The following STK32B variants were observed in gnomAD, a reference collection of about 807,000 sequenced individuals.
The protein encoded by STK32B is serine/threonine kinase 32B, also known as serine/threonine-protein kinase 32B.
Under a neutral mutation model 52.6 loss-of-function variants are expected in STK32B, and 43 were observed. The observed-to-expected ratio is 0.82, with a 90% CI of 0.64 to 1.05. The LOEUF (loss-of-function observed/expected upper bound fraction) is 1.05, where lower values mean the gene tolerates loss of function less well. Ranked by LOEUF, STK32B falls within the 50% of genes least tolerant of loss-of-function variation. The pLI, the probability that STK32B is intolerant of heterozygous loss-of-function variation, is 0.00. For synonymous variants in STK32B, 238 were observed against 204.3 expected (o/e 1.17, Z -1.41); for missense variants, 621 against 534.6 (o/e 1.16, Z -1.59).
At chr4:5,426,700 A>G (rs1023728643) in intron 6 of STK32B, among the ~76,000 whole-genome samples, 1 of 148,850 alleles carries the variant, frequency 6.7e-6, no homozygotes, top group African/African-American at 2.5e-5. Flanking sequence ...AACAAAAAAA[A>G]AAAAAAAAAA....
At chr4:5,153,555 G>T (rs773359745) in intron 2 of STK32B, among the ~76,000 whole-genome samples, 2 of 150,220 alleles carry the variant, frequency 1.3e-5, no homozygotes, top group African/African-American at 2.4e-5. Flanking sequence ...GAACTCTCTC[G>T]ACCTGATAAA....
chr4:5,420,853 G>A (rs1005683643), intron 6 of STK32B, among the ~76,000 whole-genome samples: 13 of 152,058 alleles, frequency 8.5e-5, no homozygotes, highest in African/African-American at 3.1e-4. Flanking sequence ...GTCAAGGAGT[G>A]TAGATCCTGG....
chr4:5,454,344 A>G (rs1716303561), intron 7 of STK32B, among the ~76,000 whole-genome samples: 1 of 152,150 alleles, frequency 6.6e-6, no homozygotes, highest in Non-Finnish European at 1.5e-5. Flanking sequence ...AGTGGTTGGC[A>G]GGGCTTGTTC....
rs199653874 is a variant in STK32B, at chr4:5,460,278, G to A, written c.909+50G>A. Reference sequence around the variant, plus strand: ...CATGCCACCCCTCTGCAGGGTCCCCGCCTTGGTGCAAAGCAAGACTTTGGC... The same window carrying A: ...CATGCCACCCCTCTGCAGGGTCCCCACCTTGGTGCAAAGCAAGACTTTGGC... On this transcript the variant is annotated intron_variant, in intron 9 of 11. Transcript: ENST00000282908. The surrounding 1 kb of genome is among the most constrained non-coding windows in gnomAD (Gnocchi z 4.8). The A allele has an allele frequency of 3.0e-3, 4,740 of 1,566,540 alleles. 13 individuals carry two copies. Among genetic ancestry groups the A allele is most frequent in the Non-Finnish European group, 3.3e-3 (3,859 of 1,156,756 alleles).
At chr4:5,422,956 G>A (rs1481994488) in intron 6 of STK32B, among the ~76,000 whole-genome samples, 2 of 152,190 alleles carry the variant, frequency 1.3e-5, no homozygotes, top group Non-Finnish European at 2.9e-5. Flanking sequence ...AGGCATTGGG[G>A]AGTGAAGCAC....
chr4:5,088,247 C>T (rs1712845943), intron 1 of STK32B, among the ~76,000 whole-genome samples: 3 of 152,100 alleles, frequency 2.0e-5, no homozygotes, highest in African/African-American at 7.2e-5. Context: ...CATATCAAAA[C>T]TCATGGTATG....
intron 3 of STK32B, among the ~76,000 whole-genome samples, chr4:5,317,597 C>T (rs769741428): frequency 7.5e-6 from 1 of 133,972 alleles, no homozygotes; most frequent in East Asian, 2.1e-4. Flanking sequence ...TTAGGCTTAA[C>T]CACTGAAGCA....
At chr4:5,258,882 G>T (rs1726514061) in intron 3 of STK32B, among the ~76,000 whole-genome samples, 2 of 152,200 alleles carry the variant, frequency 1.3e-5, no homozygotes, top group Non-Finnish European at 2.9e-5. Context: ...CGGAGGTAAA[G>T]CTGAATTTCC....
the STK32B span, among the ~76,000 whole-genome samples, chr4:5,028,926 T>C: frequency 6.6e-6 from 1 of 152,202 alleles, no homozygotes; most frequent in Non-Finnish European, 1.5e-5. Flanking sequence ...ACTTACAACC[T>C]GGTGGAAGGC....
chr4:5,317,943 G>A (rs370711485), intron 3 of STK32B, among the ~76,000 whole-genome samples: 1 of 152,102 alleles, frequency 6.6e-6, no homozygotes, highest in African/African-American at 2.4e-5. Flanking sequence ...CAAATTTCAG[G>A]TTTTGTCCCA....
chr4:5,041,167 GA>G, the STK32B span, among the ~76,000 whole-genome samples: 8 of 152,126 alleles, frequency 5.3e-5, no homozygotes, highest in Non-Finnish European at 1.0e-4. Context: ...TTTCTTCAGG[GA>G]AATGGGTGGG....
intron 3 of STK32B, among the ~76,000 whole-genome samples, chr4:5,236,613 G>A (rs930630): frequency 0.083 from 12,621 of 152,198 alleles, 1,045 homozygotes; most frequent in African/African-American, 0.21. Flanking sequence ...ACACAGCACC[G>A]TGCCTGGCAC....
intron 3 of STK32B, among the ~76,000 whole-genome samples, chr4:5,328,197 T>G (rs965479042): frequency 1.3e-5 from 2 of 152,218 alleles, no homozygotes; most frequent in African/African-American, 4.8e-5. Flanking sequence ...CACTAAAATT[T>G]CCTCCCTATC....
At chr4:5,248,618 G>T (rs1725640606) in intron 3 of STK32B, among the ~76,000 whole-genome samples, 1 of 152,074 alleles carries the variant, frequency 6.6e-6, no homozygotes, top group South Asian at 2.1e-4. Flanking sequence ...TTTCCCAAAA[G>T]TTGAATATAA....
intron 4 of STK32B, among the ~76,000 whole-genome samples, chr4:5,351,564 A>T (rs1249736957): frequency 6.7e-6 from 1 of 149,978 alleles, no homozygotes; most frequent in East Asian, 1.9e-4. Context: ...TTAGAAAAAG[A>T]AGAACAAACC....
chr4:5,282,961 C>G (rs1728303653), intron 3 of STK32B, among the ~76,000 whole-genome samples: 1 of 152,170 alleles, frequency 6.6e-6, no homozygotes, highest in Non-Finnish European at 1.5e-5. Context: ...AGGGAAACTA[C>G]AGTATACAAT....
chr4:5,256,073 A>C (rs566098678), intron 3 of STK32B, among the ~76,000 whole-genome samples: 2 of 152,318 alleles, frequency 1.3e-5, no homozygotes, highest in East Asian at 3.9e-4. Flanking sequence ...GATTAGAAGA[A>C]GGAAATTGTG....
intron 2 of STK32B, among the ~76,000 whole-genome samples, chr4:5,159,214 T>C (rs1316056569): frequency 6.6e-6 from 1 of 152,122 alleles, no homozygotes; most frequent in Non-Finnish European, 1.5e-5. Flanking sequence ...GTGCAGTCTC[T>C]CTGTGTACGC....
At chr4:5,274,816 G>A (rs28532187) in intron 3 of STK32B, among the ~76,000 whole-genome samples, 4 of 151,914 alleles carry the variant, frequency 2.6e-5, no homozygotes, top group African/African-American at 7.3e-5. Context: ...GCTGTTTGCC[G>A]CGGTTGCAGA....
Sources: gnomAD v4.1 joint callset for allele counts (sites outside exome capture counted in the v4.1 genomes callset) on GRCh38, gnomAD v4.1.1 for gene constraint, Gnocchi (gnomAD v3.1) non-coding constraint, MANE v1.5 for transcripts, NCBI Gene and HGNC (gene_info 2026-07-23, HGNC 2026-07-21) for gene names.